SETBP1: variants seen among roughly 807,000 people sequenced by gnomAD.
SETBP1 encodes the protein SET-binding protein.
Under a neutral mutation model 101.0 loss-of-function variants are expected in SETBP1, and 9 were observed. That is an observed-to-expected ratio of 0.09 (90% CI 0.05 to 0.16). The LOEUF (loss-of-function observed/expected upper bound fraction) is 0.16, where lower values mean the gene tolerates loss of function less well. Among genes scored for constraint, SETBP1 ranks in the 10% least tolerant of loss-of-function variants. The pLI is 1.00. For synonymous variants in SETBP1, 818 were observed against 788.5 expected (o/e 1.04, Z -0.63); for missense variants, 1,858 against 2,033.8 (o/e 0.91, Z 1.66).
intron 2 of SETBP1, among the ~76,000 whole-genome samples, chr18:44,818,274 C>T (rs928299192): frequency 1.6e-4 from 24 of 152,050 alleles, no homozygotes; most frequent in African/African-American, 5.6e-4. Flanking sequence ...TTATTCATGT[C>T]GAGATTTAGA....
chr18:44,772,654 C>G (rs2070899627), intron 2 of SETBP1, among the ~76,000 whole-genome samples: 1 of 152,162 alleles, frequency 6.6e-6, no homozygotes, highest in South Asian at 2.1e-4. Context: ...AAGCTTTGAG[C>G]TTTGCACTTG....
At chr18:44,806,293 A>C (rs1466656156) in intron 2 of SETBP1, among the ~76,000 whole-genome samples, 1 of 152,176 alleles carries the variant, frequency 6.6e-6, no homozygotes, top group African/African-American at 2.4e-5. Context: ...AAGCCTGTGA[A>C]TCTGTCTTCT....
At chr18:44,991,244 C>CAAAAAAAAAAAAAAA (rs55811938) in intron 4 of SETBP1, among the ~76,000 whole-genome samples, 5 of 68,216 alleles carry the variant, frequency 7.3e-5, no homozygotes, top group Admixed American at 1.7e-4. Context: ...CTGCATCTCA[C>CAAAAAAAAAAAAAAA]AAAAAAAAAA....
chr18:44,822,872 C>T (rs192757420), intron 2 of SETBP1, among the ~76,000 whole-genome samples: 12 of 152,306 alleles, frequency 7.9e-5, no homozygotes, highest in Non-Finnish European at 1.5e-4. Flanking sequence ...AGAGAATTGG[C>T]TGGGCACGGT....
chr18:44,827,800 G>A (rs544568118), intron 2 of SETBP1, among the ~76,000 whole-genome samples: 3 of 152,184 alleles, frequency 2.0e-5, no homozygotes, highest in Non-Finnish European at 4.4e-5. Context: ...CACTCTGCAC[G>A]TGCCACATTT....
intron 2 of SETBP1, among the ~76,000 whole-genome samples, chr18:44,803,475 A>G (rs1319543792): frequency 6.6e-6 from 1 of 152,070 alleles, no homozygotes; most frequent in Non-Finnish European, 1.5e-5. Flanking sequence ...AGAGACATGC[A>G]CTTCTTAGAC....
chr18:44,987,887 C>T (rs2072275206), intron 4 of SETBP1: 1 of 152,156 alleles, frequency 6.6e-6, no homozygotes, highest in Non-Finnish European at 1.5e-5. Flanking sequence ...GATAGACAGA[C>T]ATATATAGAT....
At chr18:45,036,351 G>C (rs559035071) in intron 4 of SETBP1, among the ~76,000 whole-genome samples, 1 of 149,218 alleles carries the variant, frequency 6.7e-6, no homozygotes, top group Non-Finnish European at 1.5e-5. Flanking sequence ...AAAAAAAAAG[G>C]CTAAGAAGTA....
chr18:44,805,900 C>CTA (rs2071721988), intron 2 of SETBP1, among the ~76,000 whole-genome samples: 1 of 152,154 alleles, frequency 6.6e-6, no homozygotes, highest in African/African-American at 2.4e-5. Context: ...AGGGGGAGCA[C>CTA]TAGTTCATCC....
At chr18:44,762,638 G>T (rs2070679804) in intron 2 of SETBP1, among the ~76,000 whole-genome samples, 1 of 152,190 alleles carries the variant, frequency 6.6e-6, no homozygotes, top group South Asian at 2.1e-4. Context: ...TCCCATTGAG[G>T]CTGGGAATGT....
chr18:44,912,520 G>T (rs572721850), intron 3 of SETBP1, among the ~76,000 whole-genome samples: 2 of 151,824 alleles, frequency 1.3e-5, no homozygotes, highest in Admixed American at 6.6e-5. Flanking sequence ...TTTTGAGACA[G>T]AGTCTGGCTG....
chr18:44,925,298 A>T (rs561090410), intron 3 of SETBP1, among the ~76,000 whole-genome samples: 1 of 152,188 alleles, frequency 6.6e-6, no homozygotes, highest in South Asian at 2.1e-4. Context: ...CAGGGCTGCA[A>T]GGGAAGGAGA....
chr18:44,876,437 G>A lies in SETBP1; in HGVS notation c.540+7154G>A. 6.0e-6 allele frequency: 4 copies of A among 661,778 alleles called. No homozygotes were observed. The South Asian group carries it at 8.7e-5, about 14-fold the overall frequency. 41.0% of individuals were successfully genotyped at this position (661,778 alleles called of 1,614,324 possible). A position where few individuals can be genotyped will look rare whatever the true frequency, so the allele number is the denominator to read the frequency against. On this transcript the variant is annotated intron_variant, in intron 3 of 5. Transcript: ENST00000649279. ...CTTGGCTGCAGACAGGAATTATCAG[G>A]GCAGTTTGAAAAATACAGGAATCCA...
chr18:44,883,155 G>T lies in SETBP1; in HGVS notation c.540+13872G>T, dbSNP rs1222818887. 3.9e-5 allele frequency among the ~76,000 whole-genome samples: 6 copies of T among 152,254 alleles called. No individual in the cohort carries two copies. In the East Asian group the frequency reaches 1.2e-3, roughly 29 times the overall value. ...AAAATATTCAGTGATTTATCTCTTTGTCTGTAAGGAGATTCATTTGTTCAC... is the reference window on the plus strand; with the variant it reads ...AAAATATTCAGTGATTTATCTCTTTTTCTGTAAGGAGATTCATTTGTTCAC... On this transcript the variant is annotated intron_variant, in intron 3 of 5. Transcript: ENST00000649279.
chr18:44,979,585 T>G (rs2072066599), intron 4 of SETBP1, among the ~76,000 whole-genome samples: 1 of 152,204 alleles, frequency 6.6e-6, no homozygotes, highest in Non-Finnish European at 1.5e-5. Context: ...TATTTGTGTG[T>G]TGAATGAATC....
intron 3 of SETBP1, among the ~76,000 whole-genome samples, chr18:44,930,987 A>G (rs1263494917): frequency 2.0e-5 from 3 of 151,580 alleles, no homozygotes; most frequent in African/African-American, 4.8e-5. Context: ...CTAGCTTTTG[A>G]ATGTATTTGC....
chr18:44,735,376 C>T lies in SETBP1; in HGVS notation c.486+33544C>T, dbSNP rs147407181. ...TTCTTCCTTACAACTAAGGTTGCAT[C>T]AATTGCTTGTAGTTAGAGATCTGAA... On this transcript the variant is annotated intron_variant, in intron 2 of 5. Transcript: ENST00000649279. Among the ~76,000 whole-genome samples, 243 of 152,286 alleles carry T rather than the reference C, an allele frequency of 1.6e-3. 1 individual carries two copies. Among genetic ancestry groups the T allele is most frequent in the African/African-American group, 5.5e-3 (228 of 41,544 alleles).
At chr18:44,742,974 C>G (rs1398642322) in intron 2 of SETBP1, among the ~76,000 whole-genome samples, 2 of 139,166 alleles carry the variant, frequency 1.4e-5, no homozygotes, top group South Asian at 2.3e-4. Flanking sequence ...TCTCTCTCCC[C>G]CCCTGTCCCG....
At chr18:44,912,434 T>C (rs2070331881) in intron 3 of SETBP1, among the ~76,000 whole-genome samples, 4 of 152,214 alleles carry the variant, frequency 2.6e-5, no homozygotes, top group Admixed American at 2.6e-4. Context: ...ACTTTATTTC[T>C]TGATGCTCAC....
Sources: gnomAD v4.1 joint callset for allele counts (sites outside exome capture counted in the v4.1 genomes callset) on GRCh38, gnomAD v4.1.1 for gene constraint, MANE v1.5 for transcripts, NCBI Gene and HGNC (gene_info 2026-07-23, HGNC 2026-07-21) for gene names.